CFAP69: variants seen among roughly 807,000 people sequenced by gnomAD.
CFAP69 encodes cilia- and flagella-associated protein 69.
Under a neutral mutation model 123.0 loss-of-function variants are expected in CFAP69, and 92 were observed. The observed-to-expected ratio is 0.75, with a 90% CI of 0.63 to 0.89. CFAP69 has a LOEUF of 0.89. CFAP69 is among the 40% of genes least tolerant of loss of function. CFAP69 has a pLI of 0.00. For missense variants in CFAP69, 1,067 were observed against 1,096.9 expected (o/e 0.97, Z 0.39); for synonymous variants, 380 against 364.3 (o/e 1.04, Z -0.49).
intron 18 of CFAP69, 78 bp downstream of exon 18, chr7:90,304,184 C>A: frequency 7.0e-7 from 1 of 1,419,356 alleles, no homozygotes; most frequent in South Asian, 1.7e-5. Context: ...GACAGTTTTT[C>A]AAATATAATG....
At chr7:90,261,863 A>G in intron 3 of CFAP69, 84 bp from the exon 4 acceptor site, 1 of 686,116 alleles carries the variant, frequency 1.5e-6, no homozygotes, top group Non-Finnish European at 2.2e-6. Flanking sequence ...GGAATTCTAT[A>G]GACTTTCTTC....
At chr7:90,311,485 A>G (rs748614869), downstream of CFAP69, among the ~76,000 whole-genome samples, 1 of 152,174 alleles carries the variant, frequency 6.6e-6, no homozygotes, top group Admixed American at 6.5e-5. Context: ...ACCAATCTCA[A>G]GCTACCAACA....
intron 1 of CFAP69, among the ~76,000 whole-genome samples, chr7:90,254,751 T>C (rs942415706): frequency 6.6e-6 from 1 of 152,176 alleles, no homozygotes; most frequent in African/African-American, 2.4e-5. Flanking sequence ...GAGGCATTAA[T>C]GGGGAGTCAT....
At chr7:90,250,920 G>A (rs1228232835) in intron 1 of CFAP69, among the ~76,000 whole-genome samples, 2 of 151,948 alleles carry the variant, frequency 1.3e-5, no homozygotes, top group Non-Finnish European at 2.9e-5. Context: ...TTCTCCCACT[G>A]CGTCCAGTAA....
intron 6 of CFAP69, 47 bp downstream of exon 6, chr7:90,268,431 A>T (rs371422121): frequency 2.3e-6 from 3 of 1,326,966 alleles, no homozygotes. Flanking sequence ...TATGTAGAAA[A>T]CAGAACATTC....
intron 15 of CFAP69, among the ~76,000 whole-genome samples, chr7:90,289,408 G>A (rs1790779282): frequency 6.6e-6 from 1 of 151,972 alleles, no homozygotes; most frequent in Non-Finnish European, 1.5e-5. Context: ...TTGCTAGTGA[G>A]TTCATTTGCC....
At position 90,300,196 on chromosome 7, in the gene CFAP69, A is replaced by C. The variant is rs1049972911; in HGVS notation, c.2050+137A>C. On this transcript the variant is annotated intron_variant, in intron 17 of 22. Transcript: ENST00000389297. ...TTTTTTTTTTACAAGGGTTTGAAAA[A>C]TTTGCTATCCTAAGTGACTGGAAGA... is the stretch of plus-strand genomic sequence containing the variant. 1.0e-4 allele frequency: 122 copies of C among 1,194,920 alleles called. No homozygotes were observed. In the East Asian group the frequency reaches 4.0e-3, roughly 39 times the overall value. 74.0% of individuals were successfully genotyped at this position (1,194,920 alleles called of 1,614,324 possible).
chr7:90,245,474 T>C lies in CFAP69; in HGVS notation c.50T>C (p.Ile17Thr), dbSNP rs1796211371. Residue 17 changes from isoleucine to threonine, a missense_variant, in exon 1 of 23, where the codon ATC (isoleucine) becomes ACC (threonine). Physicochemically the swap from Ile to Thr is moderately conservative, Grantham distance 89. Transcript: ENST00000389297. ...GATAEAQESG[I>T]RNKSSSSSQI... is the part of the protein sequence containing the mutation. ...ACCGCCGAGGCCCAGGAATCCGGCATCAGGAACAAGTCTAGCAGTTCCAGT... is the reference window on the plus strand; with the variant it reads ...ACCGCCGAGGCCCAGGAATCCGGCACCAGGAACAAGTCTAGCAGTTCCAGT... 1 of 1,550,564 alleles carries C rather than the reference T, an allele frequency of 6.4e-7. No homozygotes were observed. The highest frequency in any genetic ancestry group is 8.7e-7 in the Non-Finnish European group (1 of 1,152,320).
At chr7:90,262,323 G>A (rs1798444486) in intron 4 of CFAP69, among the ~76,000 whole-genome samples, 1 of 152,156 alleles carries the variant, frequency 6.6e-6, no homozygotes, top group Non-Finnish European at 1.5e-5. Context: ...AATATTAGAT[G>A]TAACCAAGGA....
At chr7:90,285,614 A>C (rs960041999) in intron 13 of CFAP69, among the ~76,000 whole-genome samples, 2 of 152,170 alleles carry the variant, frequency 1.3e-5, no homozygotes, top group Non-Finnish European at 2.9e-5. Flanking sequence ...AAGATGCAGA[A>C]AGCAATAACA....
intron 1 of CFAP69, among the ~76,000 whole-genome samples, chr7:90,246,503 T>C (rs1029498416): frequency 1.3e-5 from 2 of 152,222 alleles, no homozygotes; most frequent in African/African-American, 4.8e-5. Context: ...GACTGGGGAA[T>C]AGAGTTGAGC....
At chr7:90,282,397 C>G (rs955907735) in intron 12 of CFAP69, among the ~76,000 whole-genome samples, 4 of 152,066 alleles carry the variant, frequency 2.6e-5, no homozygotes, top group Non-Finnish European at 5.9e-5. Context: ...TGTATAAACA[C>G]CTTGGAAAAC....
chr7:90,252,105 A>T (rs1014888115), intron 1 of CFAP69: 1 of 121,964 alleles, frequency 8.2e-6, no homozygotes, highest in African/African-American at 3.2e-5. Flanking sequence ...GAAAAGAAAA[A>T]CCCACTGTGT....
rs542485559 is a variant in CFAP69 at position 90,310,894 on chromosome 7, A to G, written c.*656A>G. 3.9e-5 allele frequency: 6 copies of G among 152,332 alleles called. No individual in the cohort carries two copies. Among genetic ancestry groups the G allele is most frequent in the Admixed American group, 2.6e-4 (4 of 15,302 alleles). The allele number at this position is 152,332 out of a possible 1,614,324, so 9.4% of individuals were successfully genotyped here. On this transcript the variant is annotated 3_prime_UTR_variant, in exon 23 of 23. Transcript: ENST00000389297. ...TATTATCAGAAGCAAGTATATATGA[A>G]TATTGGGCAGCAAGATAAACAATAA...
chr7:90,318,164 T>C, the CFAP69 span: 2 of 152,220 alleles, frequency 1.3e-5, no homozygotes, highest in Non-Finnish European at 2.9e-5. Context: ...ATTACTTCCC[T>C]GTCTTCATGT....
Position 90,297,799 on chromosome 7 carries a change from A to C in CFAP69, c.1826A>C (p.Glu609Ala). 5 of 1,574,796 alleles carry C rather than the reference A, an allele frequency of 3.2e-6. No individual in the cohort carries two copies. Among genetic ancestry groups the C allele is most frequent in the Non-Finnish European group, 4.3e-6 (5 of 1,168,214 alleles). The change falls in exon 16 of 23, where the codon GAA (glutamate) becomes GCA (alanine). Residue 609 changes from glutamate to alanine, a missense_variant. Transcript: ENST00000389297. ...TCAGAGGATTATTTTCTTGAAAAGG[A>C]AGGCATTTTTCTCCTTTTGGATTTG... ...YPSEDYFLEK[E>A]GIFLLLDLLA...
At chr7:90,282,823 TATAAG>T (rs1268611695) in intron 12 of CFAP69, 64 bp from the exon 13 acceptor site, 7 of 1,236,602 alleles carry the variant, frequency 5.7e-6, no homozygotes, top group Non-Finnish European at 7.4e-6. Flanking sequence ...TTGATAGATG[TATAAG>T]ATATCTGATA....
intron 3 of CFAP69, among the ~76,000 whole-genome samples, chr7:90,259,506 CAG>C (rs1798049880): frequency 6.6e-6 from 1 of 151,454 alleles, no homozygotes; most frequent in African/African-American, 2.4e-5. Context: ...GTTTTTGACA[CAG>C]AGTCTCCATC....
intron 12 of CFAP69, among the ~76,000 whole-genome samples, chr7:90,280,623 T>C (rs1015718073): frequency 1.3e-5 from 2 of 152,250 alleles, no homozygotes; most frequent in African/African-American, 4.8e-5. Context: ...TCCTTTTCTC[T>C]ATGGAGCTTA....
Sources: gnomAD v4.1 joint callset for allele counts (sites outside exome capture counted in the v4.1 genomes callset) on GRCh38, gnomAD v4.1.1 for gene constraint, MANE v1.5 for transcripts, NCBI Gene and HGNC (gene_info 2026-07-23, HGNC 2026-07-21) for gene names.